The following COCH variants were observed in gnomAD, a reference collection of about 807,000 sequenced individuals.
COCH encodes coagulation factor C homolog, cochlin (Limulus polyphemus).
COCH carries 40 observed loss-of-function variants against 54.8 expected under a neutral mutation model. The ratio of observed to expected loss-of-function variants is 0.73; its 90% CI spans 0.57 to 0.95. The LOEUF is 0.95. Among genes scored for constraint, COCH ranks in the 40% least tolerant of loss-of-function variants. COCH has a pLI of 0.00. For missense variants in COCH, 605 were observed against 675.0 expected, an observed-to-expected ratio of 0.90 and a Z score of 1.15; for synonymous variants, 256 against 237.9, an observed-to-expected ratio of 1.08 and a Z score of -0.70.
chr14:30,891,537 C>G (rs1895982267), downstream of COCH, among the ~76,000 whole-genome samples: 1 of 152,134 alleles, frequency 6.6e-6, no homozygotes, highest in Non-Finnish European at 1.5e-5. Flanking sequence ...AGAAGACAAC[C>G]TCCCCTTTTA....
rs1238962737 is a variant in COCH, at chr14:30,890,160, A to ATTCT, written c.*370_*373dup. Reference sequence around the variant, plus strand: ...CAAAAGCAACATTCGTTCTCTAACCATTCTGTATTGATTATATAAGCAAAA... The same window carrying ATTCT: ...CAAAAGCAACATTCGTTCTCTAACCATTCTTTCTGTATTGATTATATAAGCAAAA... On this transcript the variant is annotated 3_prime_UTR_variant, in exon 12 of 12. Coordinates refer to ENST00000396618, the MANE Select transcript of COCH (RefSeq NM_004086.3). 1.0e-5 allele frequency: 10 copies of ATTCT among 1,004,824 alleles called. No individual in the cohort carries two copies. Among genetic ancestry groups the ATTCT allele is most frequent in the Non-Finnish European group, 1.2e-5 (10 of 841,006 alleles). The allele number at this position is 1,004,824 out of a possible 1,614,324, so 62.2% of individuals were successfully genotyped here.
At chr14:30,879,556 G>A in intron 6 of COCH, 71 bp downstream of exon 6, 2 of 1,499,730 alleles carry the variant, frequency 1.3e-6, no homozygotes, top group Non-Finnish European at 1.9e-6. Context: ...ACGTGTTGTT[G>A]GTAGAAGCTT....
rs1213591259 is a variant in COCH at position 30,885,779 on chromosome 14, T to C, written c.961-17T>C. On this transcript the variant is annotated splice_polypyrimidine_tract_variant and intron_variant, in intron 10 of 11. Coordinates refer to ENST00000396618, the MANE Select transcript of COCH (RefSeq NM_004086.3). ...TTTTGATCCTTTTGGATATCTTTTA[T>C]GTGTCTCCCCCATTAGGCTGTCTGT... 1.2e-6 allele frequency: 2 copies of C among 1,613,582 alleles called. No individual in the cohort carries two copies. The highest frequency in any genetic ancestry group is 2.2e-5 in the East Asian group (1 of 44,898).
At chr14:30,888,415 A>G (rs114464373) in intron 11 of COCH, among the ~76,000 whole-genome samples, 2,464 of 152,224 alleles carry the variant, frequency 0.016, 63 homozygotes, top group East Asian at 0.09. Context: ...TGTAGAGGAA[A>G]ACTATTACAG....
intron 8 of COCH, among the ~76,000 whole-genome samples, chr14:30,882,119 G>GGTTTTTTTTTTGTTTGTTTGTTT (rs1895617011): frequency 1.2e-5 from 1 of 84,874 alleles, no homozygotes; most frequent in African/African-American, 6.0e-5. Flanking sequence ...ACTATAAAAT[G>GGTTTTTTTTTTGTTTGTTTGTTT]GTTTTTTTTT....
At chr14:30,888,235 T>A (rs1488472114) in intron 11 of COCH, among the ~76,000 whole-genome samples, 1 of 150,682 alleles carries the variant, frequency 6.6e-6, no homozygotes, top group African/African-American at 2.4e-5. Flanking sequence ...AGGAAAAAAA[T>A]ATTTTGACTT....
At chr14:30,889,486 T>C in intron 11 of COCH, 130 bp from the exon 12 acceptor site, 3 of 808,368 alleles carry the variant, frequency 3.7e-6, no homozygotes, top group South Asian at 1.6e-5. Flanking sequence ...GTTCAGGGGA[T>C]TTAATTGTCC....
In COCH at chr14:30,889,924, G is replaced by A; in HGVS notation, c.*133G>A. ...ATTAAGTATGTCAACAGCCATTTAG[G>A]CAAATAAGCACTCCTTTAAAGCCGC... On this transcript the variant is annotated 3_prime_UTR_variant, in exon 12 of 12. Transcript: ENST00000396618. 1 of 1,424,014 alleles carries A rather than the reference G, an allele frequency of 7.0e-7. No individual in the cohort carries two copies. 88.2% of individuals were successfully genotyped at this position (1,424,014 alleles called of 1,614,324 possible).
chr14:30,894,893 CTTT>C (rs34255465), downstream of COCH: 254 of 740,998 alleles, frequency 3.4e-4, no homozygotes, highest in East Asian at 9.1e-4. Flanking sequence ...TTTTCTTTTT[CTTT>C]TTTTTTTTTT....
In COCH at chr14:30,889,396, C is replaced by T. The variant is rs4981082; in HGVS notation, c.1478-220C>T. On this transcript the variant is annotated intron_variant, in intron 11 of 11. Transcript: ENST00000396618. ...AGTGATGACTTACCTGTTAATGTGGCGAATTACAGATATAGCAGAGTTTCT... is the reference window on the plus strand; with the variant it reads ...AGTGATGACTTACCTGTTAATGTGGTGAATTACAGATATAGCAGAGTTTCT... 526,113 of 540,780 alleles carry T rather than the reference C, an allele frequency of 0.97. 257,191 individuals are homozygous for T. The highest frequency in any genetic ancestry group is 1 in the East Asian group (30,977 of 30,978). 33.5% of individuals were successfully genotyped at this position (540,780 alleles called of 1,614,324 possible). A position where few individuals can be genotyped will look rare whatever the true frequency, so the allele number is the denominator to read the frequency against.
At position 30,877,549 on chromosome 14, in the gene COCH, A is replaced by T; in HGVS notation, c.83-23A>T. The T allele has an allele frequency of 6.2e-7, 1 of 1,613,514 alleles. No homozygotes were observed. Among genetic ancestry groups the T allele is most frequent in the African/African-American group, 1.3e-5 (1 of 75,048 alleles). On this transcript the variant is annotated intron_variant, in intron 3 of 11. Coordinates refer to ENST00000396618, the MANE Select transcript of COCH (RefSeq NM_004086.3). The surrounding 1 kb of genome is among the most constrained non-coding windows in gnomAD (Gnocchi z 8.6). ...CCCAAGAAGTCCTAAGAATGCTTAC[A>T]ATATTATCTCCTTTTTCTTCAGCTC...
At chr14:30,874,808 T>C (rs141450555) in intron 1 of COCH, 108 bp from the exon 2 acceptor site, 1 of 1,052,774 alleles carries the variant, frequency 9.5e-7, no homozygotes, top group East Asian at 2.4e-5. Context: ...GTCTGTGTCC[T>C]CTCTCCTCTG....
chr14:30,885,146 G>A, intron 9 of COCH: 1 of 1,419,762 alleles, frequency 7.0e-7, no homozygotes, highest in Non-Finnish European at 9.5e-7. Flanking sequence ...CAAATGTGAG[G>A]CTTCTAGGAG....
At chr14:30,874,817 T>C in intron 1 of COCH, 99 bp from the exon 2 acceptor site, 1 of 1,177,876 alleles carries the variant, frequency 8.5e-7, no homozygotes, top group South Asian at 1.2e-5. Context: ...CTCTCTCCTC[T>C]GCGCCGCGCC....
In COCH at chr14:30,880,539, C is replaced by T. The variant is rs375789836; in HGVS notation, c.481+43C>T. 8.2e-5 allele frequency: 133 copies of T among 1,614,110 alleles called. 1 individual carries two copies. In the African/African-American group the frequency reaches 1.6e-3, roughly 20 times the overall value. ...CATTTGGGAAGGTAGCATTTTCCCT[C>T]CCTCCTCTTGAGACTGCTAATGAGG... On this transcript the variant is annotated intron_variant, in intron 7 of 11. Transcript: ENST00000396618.
intron 8 of COCH, among the ~76,000 whole-genome samples, chr14:30,881,221 A>G (rs541620043): frequency 1.3e-5 from 2 of 151,934 alleles, no homozygotes; most frequent in East Asian, 3.9e-4. Flanking sequence ...TCAAAAAAAA[A>G]AAAAAAAAAG....
At chr14:30,886,959 C>T (rs571430881) in intron 11 of COCH, among the ~76,000 whole-genome samples, 5 of 152,226 alleles carry the variant, frequency 3.3e-5, no homozygotes, top group Non-Finnish European at 7.4e-5. Context: ...TGGGCTCAAG[C>T]AATCCTCACA....
intron 8 of COCH, among the ~76,000 whole-genome samples, chr14:30,881,212 C>CAAAAAAAAA (rs11297000): frequency 1.1e-5 from 1 of 93,438 alleles, no homozygotes; most frequent in Non-Finnish European, 2.3e-5. Flanking sequence ...GACTATGTCT[C>CAAAAAAAAA]AAAAAAAAAA....
At chr14:30,882,120 G>T (rs1470830313) in intron 8 of COCH, among the ~76,000 whole-genome samples, 158 of 67,868 alleles carry the variant, frequency 2.3e-3, no homozygotes, top group Middle Eastern at 0.011. Context: ...CTATAAAATG[G>T]TTTTTTTTTT....
Sources: gnomAD v4.1 joint callset for allele counts (sites outside exome capture counted in the v4.1 genomes callset) on GRCh38, gnomAD v4.1.1 for gene constraint, Gnocchi (gnomAD v3.1) non-coding constraint, MANE v1.5 for transcripts, NCBI Gene and HGNC (gene_info 2026-07-23, HGNC 2026-07-21) for gene names.